TANC2: variants seen among roughly 807,000 people sequenced by gnomAD.
TANC2 encodes protein TANC2.
Under a neutral mutation model 210.5 loss-of-function variants are expected in TANC2, and 26 were observed. The observed-to-expected ratio is 0.12, with a 90% CI of 0.09 to 0.17. The LOEUF is 0.17. TANC2 is among the 10% of genes least tolerant of loss of function. TANC2 has a pLI of 1.00. For synonymous variants in TANC2, 931 were observed against 967.1 expected (o/e 0.96, Z 0.69); for missense variants, 2,129 against 2,608.9 (o/e 0.82, Z 4.01).
At chr17:63,111,905 T>C (rs2038061993) in intron 4 of TANC2, among the ~76,000 whole-genome samples, 1 of 152,092 alleles carries the variant, frequency 6.6e-6, no homozygotes, top group Non-Finnish European at 1.5e-5. Context: ...TTTGTATTTT[T>C]AGTAGAGACG....
intron 11 of TANC2, among the ~76,000 whole-genome samples, chr17:63,339,540 CTT>C (rs1190984828): frequency 1.3e-5 from 2 of 152,274 alleles, no homozygotes; most frequent in Middle Eastern, 3.4e-3. Context: ...TTCTGATACT[CTT>C]TTTCTGTCTC....
chr17:63,015,731 G>A lies in TANC2; in HGVS notation c.67+6105G>A, dbSNP rs187419738. Among the ~76,000 whole-genome samples, 191 of 40,334 alleles carry A rather than the reference G, an allele frequency of 4.7e-3. 2 individuals carry two copies. In the Admixed American group the frequency reaches 0.069, roughly 15 times the overall value. 26.5% of individuals were successfully genotyped at this position (40,334 alleles called of 152,430 possible). ...TTTTCTGATGCTTGTAGCAAGTACT[G>A]TGAAATTTTCTTAAAAAAAAACCGC... On this transcript the variant is annotated intron_variant, in intron 2 of 27. Coordinates refer to ENST00000689528, the Ensembl canonical transcript of TANC2.
At chr17:63,055,623 G>A (rs1568348615) in intron 2 of TANC2, among the ~76,000 whole-genome samples, 1 of 149,944 alleles carries the variant, frequency 6.7e-6, no homozygotes, top group Non-Finnish European at 1.5e-5. Context: ...GTACTCTGGG[G>A]TAATCAGTAT....
rs547449711 is a variant in TANC2 at position 63,054,813 on chromosome 17, G to T, written c.68-19130G>T. Among the ~76,000 whole-genome samples, 3 of 152,246 alleles carry T rather than the reference G, an allele frequency of 2.0e-5. No homozygotes were observed. In the South Asian group the frequency reaches 6.2e-4, roughly 32 times the overall value. ...GTTCTTGCAGATTTGTATCTGATTA[G>T]TAAAAGGGACCAGAGTTCATACCTG... On this transcript the variant is annotated intron_variant, in intron 2 of 27. Transcript: ENST00000689528.
intron 2 of TANC2, among the ~76,000 whole-genome samples, chr17:63,071,110 TTTAC>T (rs147919058): frequency 0.028 from 4,305 of 152,240 alleles, 96 homozygotes; most frequent in South Asian, 0.086. Flanking sequence ...AAGAACTACT[TTTAC>T]TTACTTCTTT....
chr17:63,213,009 G>C (rs2041929737), intron 7 of TANC2, among the ~76,000 whole-genome samples: 1 of 152,158 alleles, frequency 6.6e-6, no homozygotes, highest in Non-Finnish European at 1.5e-5. Flanking sequence ...TGTCACCCTT[G>C]ATATAATTCT....
At chr17:63,127,663 T>C (rs971430507) in intron 4 of TANC2, among the ~76,000 whole-genome samples, 13 of 152,240 alleles carry the variant, frequency 8.5e-5, no homozygotes, top group African/African-American at 3.1e-4. Context: ...CATAAGAAAC[T>C]GGCAGGATTT....
chr17:63,061,898 T>C (rs1005476987), intron 2 of TANC2, among the ~76,000 whole-genome samples: 26 of 152,280 alleles, frequency 1.7e-4, no homozygotes, highest in African/African-American at 6.0e-4. Flanking sequence ...TCTTCTAGTT[T>C]AGTCTTCATT....
chr17:63,007,325 CT>C (rs2033667268), intron 1 of TANC2, among the ~76,000 whole-genome samples: 1 of 152,150 alleles, frequency 6.6e-6, no homozygotes, highest in Non-Finnish European at 1.5e-5. Flanking sequence ...CTTAAGTCTA[CT>C]TTGCCTGATA....
chr17:63,097,633 C>T (rs1187984938), intron 3 of TANC2, among the ~76,000 whole-genome samples: 2 of 151,462 alleles, frequency 1.3e-5, no homozygotes, highest in Non-Finnish European at 2.9e-5. Context: ...ATTTGGGCCA[C>T]ATTCAAAGCT....
rs1436842743 is a variant in TANC2, at chr17:63,340,082, T to C, written c.1576-19T>C. On this transcript the variant is annotated intron_variant, in intron 11 of 27. Transcript: ENST00000689528. The stretch of plus-strand genomic sequence containing the variant: ...TTACTACTGATAAGCCTGTTTGCAT[T>C]CTCATCTTTCTTTTGCAGGTGGTTG... 21 of 1,590,352 alleles carry C rather than the reference T, an allele frequency of 1.3e-5. No individual in the cohort carries two copies. In the Admixed American group the frequency reaches 3.0e-4, roughly 23 times the overall value.
chr17:63,296,088 T>C (rs2044527595), intron 9 of TANC2, among the ~76,000 whole-genome samples: 1 of 152,174 alleles, frequency 6.6e-6, no homozygotes, highest in Non-Finnish European at 1.5e-5. Context: ...GTTAGCTACT[T>C]CCTGCTATCA....
chr17:63,424,829 G>A (rs2049107132), exon 28 of TANC2: 2 of 152,130 alleles, frequency 1.3e-5, no homozygotes, highest in Admixed American at 1.3e-4. Flanking sequence ...GGAAAGGAAA[G>A]ACATCAAGCA....
chr17:63,054,428 G>A (rs1216762941), intron 2 of TANC2, among the ~76,000 whole-genome samples: 1 of 152,108 alleles, frequency 6.6e-6, no homozygotes, highest in Non-Finnish European at 1.5e-5. Flanking sequence ...CTGGAGTATA[G>A]TGGCGCGATC....
At chr17:63,099,140 C>G in intron 3 of TANC2, 35 bp from the exon 4 acceptor site, 1 of 1,596,926 alleles carries the variant, frequency 6.3e-7, no homozygotes, top group Middle Eastern at 1.7e-4. Context: ...AGGATCTTTT[C>G]TCACCAGCTC....
chr17:63,124,964 C>A (rs527581276), intron 4 of TANC2: 18 of 152,316 alleles, frequency 1.2e-4, no homozygotes, highest in African/African-American at 4.3e-4. Context: ...CTCTGGTGCC[C>A]AAAAGATTGG....
intron 5 of TANC2, among the ~76,000 whole-genome samples, chr17:63,191,609 C>T (rs906271050): frequency 4.0e-5 from 6 of 151,680 alleles, no homozygotes; most frequent in South Asian, 4.2e-4. Flanking sequence ...ACCACAGGCG[C>T]GCGCCACCAC....
chr17:63,113,988 G>A (rs575947161), intron 4 of TANC2, among the ~76,000 whole-genome samples: 4 of 152,298 alleles, frequency 2.6e-5, no homozygotes, highest in South Asian at 2.1e-4. Context: ...AAAAAATTAT[G>A]TATACATCTA....
chr17:63,381,001 A>ACT (rs1429851225), intron 15 of TANC2, among the ~76,000 whole-genome samples: 1 of 152,158 alleles, frequency 6.6e-6, no homozygotes, highest in East Asian at 1.9e-4. Flanking sequence ...AATTCCATAA[A>ACT]CTCTAAGAGC....
Sources: gnomAD v4.1 joint callset for allele counts (sites outside exome capture counted in the v4.1 genomes callset) on GRCh38, gnomAD v4.1.1 for gene constraint, MANE v1.5 for transcripts, NCBI Gene and HGNC (gene_info 2026-07-23, HGNC 2026-07-21) for gene names.